The following PPP4R3B variants were observed in gnomAD, a reference collection of about 807,000 sequenced individuals.
The protein encoded by PPP4R3B is serine/threonine-protein phosphatase 4 regulatory subunit 3B.
PPP4R3B carries 52 observed loss-of-function variants against 95.4 expected under a neutral mutation model. The ratio of observed to expected loss-of-function variants is 0.54; its 90% CI spans 0.44 to 0.69. The LOEUF is 0.69. PPP4R3B is among the 30% of genes least tolerant of loss of function. The pLI, the probability that PPP4R3B is intolerant of heterozygous loss-of-function variation, is 0.00. For missense variants in PPP4R3B, 1,003 were observed against 1,005.9 expected (o/e 1.00, Z 0.04); for synonymous variants, 407 against 343.9 (o/e 1.18, Z -2.03).
Position 55,591,581 on chromosome 2 carries a change from A to T in PPP4R3B, c.922-2625T>A, listed in dbSNP as rs1053783907. ...ACATCTTCATCCTTTACTACCTGAA[A>T]ATTTAATTTTTTCAAAATATTTTCA... On this transcript the variant is annotated intron_variant, in intron 4 of 16. Transcript: ENST00000616407. The T allele has an allele frequency of 8.2e-5, 81 of 984,146 alleles. No homozygotes were observed. The African/African-American group carries it at 9.4e-4, about 11-fold the overall frequency. The allele number at this position is 984,146 out of a possible 1,614,324, so 61.0% of individuals were successfully genotyped here. A position where few individuals can be genotyped will look rare whatever the true frequency, so the allele number is the denominator to read the frequency against.
Position 55,564,489 on chromosome 2 carries a change from G to C in PPP4R3B, c.2084C>G (p.Ser695Cys). Residue 695 changes from serine to cysteine, a missense_variant, in exon 15 of 17, where the codon TCT becomes TGT. Around this residue, in one of 3 missense-constraint regions of PPP4R3B, gnomAD observed 229 missense variants for 194.7 expected, o/e 1.18. Transcript: ENST00000616407. ...GCGAAATCTGTTACTACGCAATATA[G>C]ATGGTACACTGTAAGAAATATATCA... The part of the protein sequence containing the change: ...RQNQKLNSVP[S>C]ILRSNRFRRD... The C allele has an allele frequency of 1.3e-6, 2 of 1,599,968 alleles. No homozygotes were observed. The highest frequency in any genetic ancestry group is 1.7e-6 in the Non-Finnish European group (2 of 1,175,484).
At chr2:55,603,195 C>T (rs867074668) in intron 3 of PPP4R3B, among the ~76,000 whole-genome samples, 1 of 152,092 alleles carries the variant, frequency 6.6e-6, no homozygotes, top group African/African-American at 2.4e-5. Context: ...TCAGGTGATC[C>T]GCCTGCCTCG....
rs1241715901 is a variant in PPP4R3B, at chr2:55,615,590, A to C, written c.143-84T>G. 4 of 930,242 alleles carry C rather than the reference A, an allele frequency of 4.3e-6. No individual in the cohort carries two copies. In the Admixed American group the frequency reaches 7.2e-5, roughly 17 times the overall value. The allele number at this position is 930,242 out of a possible 1,614,324, so 57.6% of individuals were successfully genotyped here. A position where few individuals can be genotyped will look rare whatever the true frequency, so the allele number is the denominator to read the frequency against. ...TAGAATACACATTAAAGCCGGGCGC[A>C]GTGGCTCACGTCTGTAATCCTAGCA... On this transcript the variant is annotated intron_variant, in intron 1 of 16. Transcript: ENST00000616407.
chr2:55,596,995 A>G (rs560315804), intron 4 of PPP4R3B, among the ~76,000 whole-genome samples: 26 of 152,238 alleles, frequency 1.7e-4, no homozygotes, highest in African/African-American at 6.3e-4. Flanking sequence ...TAGCTGCATC[A>G]TCGATATATA....
At chr2:55,568,081 T>C in intron 13 of PPP4R3B, 113 bp downstream of exon 13, 2 of 646,074 alleles carry the variant, frequency 3.1e-6, no homozygotes, top group South Asian at 1.2e-4. Flanking sequence ...ATGGAATATA[T>C]AATTTCAGGG....
intron 16 of PPP4R3B, among the ~76,000 whole-genome samples, chr2:55,551,548 G>C (rs186428188): frequency 9.2e-5 from 14 of 151,752 alleles, no homozygotes; most frequent in African/African-American, 3.1e-4. Context: ...GTCAGGAGTT[G>C]GAGTCCAGCC....
intron 6 of PPP4R3B, among the ~76,000 whole-genome samples, chr2:55,586,306 C>T (rs1384001486): frequency 1.3e-5 from 2 of 152,112 alleles, no homozygotes; most frequent in Admixed American, 1.3e-4. Flanking sequence ...TCCCCTTGTT[C>T]CACTCACTGA....
intron 4 of PPP4R3B, among the ~76,000 whole-genome samples, chr2:55,595,743 A>G (rs1286815284): frequency 6.6e-6 from 1 of 151,686 alleles, no homozygotes; most frequent in Non-Finnish European, 1.5e-5. Flanking sequence ...TACATGAAAA[A>G]AAAAAAAAAA....
At position 55,598,405 on chromosome 2, in the gene PPP4R3B, T is replaced by G. The variant is rs1326023545; in HGVS notation, c.921+11A>C. 6.2e-7 allele frequency: 1 copy of G among 1,610,264 alleles called. No individual in the cohort carries two copies. The stretch of plus-strand genomic sequence containing the variant: ...GAAAAATGGAATCGTGAAGAGTATC[T>G]TTTTACTTACCTGCAACATGCTGAC... On this transcript the variant is annotated intron_variant, in intron 4 of 16. Coordinates refer to ENST00000616407, the MANE Select transcript of PPP4R3B (RefSeq NM_001122964.3).
chr2:55,614,059 A>C (rs1235186422), intron 2 of PPP4R3B: 3 of 152,208 alleles, frequency 2.0e-5, no homozygotes, highest in Non-Finnish European at 4.4e-5. Context: ...AATATTTTCT[A>C]AACAGAGAAA....
intron 16 of PPP4R3B, among the ~76,000 whole-genome samples, chr2:55,556,714 A>C (rs1469105448): frequency 1.3e-5 from 2 of 152,132 alleles, no homozygotes; most frequent in Non-Finnish European, 2.9e-5. Flanking sequence ...TACATTTGTT[A>C]AATAATTTAA....
intron 3 of PPP4R3B, 35 bp downstream of exon 3, chr2:55,603,943 A>C: frequency 6.8e-7 from 1 of 1,462,436 alleles, no homozygotes; most frequent in Non-Finnish European, 9.4e-7. Flanking sequence ...GAAAAGAAGC[A>C]AACATTAAGT....
chr2:55,600,467 G>T (rs755238962), intron 3 of PPP4R3B, among the ~76,000 whole-genome samples: 2 of 145,510 alleles, frequency 1.4e-5, no homozygotes, highest in Non-Finnish European at 3.0e-5. Flanking sequence ...GGCGGGCAGG[G>T]GTGGTTAAGA....
chr2:55,579,730 C>A lies in PPP4R3B; in HGVS notation c.1417G>T (p.Val473Phe). ...LNFFYNHCMH[V>F]LTAPLLTNTS... is the part of the protein sequence containing the mutation. ...TTGGTCAAAAGTGGTGCTGTGAGAA[C>A]ATGCATACAATGGTTGTAGAAAAAA... The change falls in exon 9 of 17, where the codon GTT becomes TTT. Residue 473 changes from valine to phenylalanine, a missense_variant. Physicochemically the swap from Val to Phe is conservative, Grantham distance 50. This residue lies in a region of PPP4R3B where 695 missense variants were observed against 686.2 expected (regional missense o/e 1.01). Transcript: ENST00000616407. 1 of 1,607,702 alleles carries A rather than the reference C, an allele frequency of 6.2e-7. No homozygotes were observed. The highest frequency in any genetic ancestry group is 8.5e-7 in the Non-Finnish European group (1 of 1,177,024).
intron 11 of PPP4R3B, among the ~76,000 whole-genome samples, chr2:55,576,888 G>C (rs1184640229): frequency 1.3e-5 from 2 of 152,108 alleles, no homozygotes; most frequent in Admixed American, 1.3e-4. Flanking sequence ...GACGGTAGGT[G>C]CACACAGCAC....
intron 5 of PPP4R3B, among the ~76,000 whole-genome samples, 160 bp from the exon 6 acceptor site, chr2:55,586,894 G>C (rs1690216277): frequency 6.6e-6 from 1 of 152,126 alleles, no homozygotes; most frequent in Non-Finnish European, 1.5e-5. Context: ...TTAAAAACTA[G>C]CACCCCATTA....
intron 4 of PPP4R3B, among the ~76,000 whole-genome samples, chr2:55,595,565 AT>A (rs1432914089): frequency 6.6e-6 from 1 of 152,102 alleles, no homozygotes; most frequent in African/African-American, 2.4e-5. Context: ...TTATGTAAAT[AT>A]TTTTTAAGAG....
chr2:55,595,716 T>C (rs1370430757), intron 4 of PPP4R3B, among the ~76,000 whole-genome samples: 2 of 145,096 alleles, frequency 1.4e-5, no homozygotes, highest in African/African-American at 2.5e-5. Flanking sequence ...TGTTGCAATA[T>C]GTTCTTTAAG....
chr2:55,587,980 G>C (rs936772887), intron 5 of PPP4R3B, among the ~76,000 whole-genome samples: 5 of 152,092 alleles, frequency 3.3e-5, no homozygotes, highest in African/African-American at 1.2e-4. Context: ...TTCAATATCA[G>C]ATAGCTAAAT....
Sources: allele counts gnomAD v4.1 joint callset (sites outside exome capture counted in the v4.1 genomes callset), GRCh38; gene constraint gnomAD v4.1.1; regional missense constraint gnomAD v4.1.1; transcripts MANE v1.5; gene names NCBI Gene and HGNC (gene_info 2026-07-23, HGNC 2026-07-21).